Variants in ANK3 observed in about 807,000 individuals in gnomAD.
ANK3 encodes the protein ankyrin 3, also known as ankyrin-3.
Under a neutral mutation model 370.9 loss-of-function variants are expected in ANK3, and 57 were observed. That is an observed-to-expected ratio of 0.15 (90% CI 0.12 to 0.19). ANK3 has a LOEUF of 0.19. ANK3 is among the 10% of genes least tolerant of loss of function. The pLI, the probability that ANK3 is intolerant of heterozygous loss-of-function variation, is 1.00. For missense variants in ANK3, 4,439 were observed against 5,302.1 expected (o/e 0.84, Z 5.06); for synonymous variants, 1,929 against 1,946.3 (o/e 0.99, Z 0.23).
At chr10:60,374,953 A>G (rs181243401) in intron 1 of ANK3, among the ~76,000 whole-genome samples, 3 of 152,300 alleles carry the variant, frequency 2.0e-5, no homozygotes, top group Non-Finnish European at 2.9e-5. Flanking sequence ...AGGTACTATT[A>G]TTATCTCATC....
At chr10:60,247,779 T>C (rs2097579743) in intron 7 of ANK3, among the ~76,000 whole-genome samples, 2 of 152,316 alleles carry the variant, frequency 1.3e-5, no homozygotes, top group South Asian at 4.1e-4. Flanking sequence ...GTGATTCTCC[T>C]GCCTCTTACT....
In ANK3 at chr10:60,479,185, G is replaced by A. The variant is rs573126954; in HGVS notation, c.96+136001C>T. ...ATGATTTTTTTCCTTAATAAAAAGC[G>A]TACTGTCATGCACCACATAACGTTT... On this transcript the variant is annotated intron_variant, in intron 2 of 43. Transcript: ENST00000373827. 4.8e-4 allele frequency among the ~76,000 whole-genome samples: 73 copies of A among 152,056 alleles called. No individual in the cohort carries two copies. In the South Asian group the frequency reaches 0.011, roughly 23 times the overall value.
At chr10:60,207,945 T>A in intron 10 of ANK3, 91 bp downstream of exon 10, 1 of 1,149,524 alleles carries the variant, frequency 8.7e-7, no homozygotes, top group Non-Finnish European at 1.3e-6. Context: ...CACCTTCTAT[T>A]TTAACCTCCT....
chr10:60,538,868 T>C (rs2076783483), intron 2 of ANK3, among the ~76,000 whole-genome samples: 1 of 152,062 alleles, frequency 6.6e-6, no homozygotes, highest in East Asian at 1.9e-4. Flanking sequence ...CTCTATGCCA[T>C]AGTTATTGAA....
At position 60,388,818 on chromosome 10, in the gene ANK3, T is replaced by C. The variant is rs1594912873; in HGVS notation, c.114+607A>G. Among the ~76,000 whole-genome samples, 3 of 152,180 alleles carry C rather than the reference T, an allele frequency of 2.0e-5. No individual in the cohort carries two copies. In the South Asian group the frequency reaches 6.2e-4, roughly 32 times the overall value. On this transcript the variant is annotated intron_variant, in intron 1 of 43. Transcript: ENST00000280772. Reference sequence around the variant, plus strand: ...ACAAACCTCTGTGATTTCAGCTTTATTTAACAAAAGAAAGTTATTTCTAGC... The same window carrying C: ...ACAAACCTCTGTGATTTCAGCTTTACTTAACAAAAGAAAGTTATTTCTAGC...
At chr10:60,305,193 C>G (rs1375203992) in intron 1 of ANK3, among the ~76,000 whole-genome samples, 1 of 152,128 alleles carries the variant, frequency 6.6e-6, no homozygotes, top group Non-Finnish European at 1.5e-5. Context: ...AGCTAACTTC[C>G]CTGAAGCTGC....
chr10:60,627,982 C>A (rs929768286), intron 1 of ANK3, among the ~76,000 whole-genome samples: 1 of 152,148 alleles, frequency 6.6e-6, no homozygotes. Context: ...CTCCAAAGTT[C>A]ATGCTTTCAA....
intron 1 of ANK3, among the ~76,000 whole-genome samples, chr10:60,616,160 TG>T (rs1428628803): frequency 6.6e-6 from 1 of 152,178 alleles, no homozygotes; most frequent in Non-Finnish European, 1.5e-5. Flanking sequence ...TGCAATTTCA[TG>T]TTTCTATTTG....
intron 14 of ANK3, among the ~76,000 whole-genome samples, chr10:60,197,319 C>A (rs2096602359): frequency 6.6e-6 from 1 of 152,160 alleles, no homozygotes; most frequent in African/African-American, 2.4e-5. Flanking sequence ...GTGGCTGGCT[C>A]CCTCAGACTT....
intron 36 of ANK3, 138 bp downstream of exon 36, chr10:60,080,399 G>T: frequency 1.4e-6 from 1 of 710,596 alleles, no homozygotes; most frequent in Non-Finnish European, 2.4e-6. Context: ...ATATTACTTA[G>T]GTTGTATGAC....
intron 1 of ANK3, among the ~76,000 whole-genome samples, chr10:60,658,514 T>C (rs2078895736): frequency 5.3e-5 from 8 of 152,078 alleles, no homozygotes; most frequent in Admixed American, 5.2e-4. Context: ...GTCATTTATG[T>C]TATATTTATA....
intron 2 of ANK3, among the ~76,000 whole-genome samples, chr10:60,520,429 T>C (rs776438744): frequency 6.6e-5 from 10 of 152,064 alleles, no homozygotes; most frequent in Non-Finnish European, 8.8e-5. Flanking sequence ...AAAATAAAAG[T>C]TGAATTTAAA....
intron 43 of ANK3, among the ~76,000 whole-genome samples, chr10:60,033,087 G>C (rs913709322): frequency 6.6e-6 from 1 of 152,190 alleles, no homozygotes; most frequent in Non-Finnish European, 1.5e-5. Context: ...TTGCACTTAG[G>C]AATCTGTCTT....
chr10:60,314,468 T>C (rs949950787), intron 1 of ANK3, among the ~76,000 whole-genome samples: 1 of 152,164 alleles, frequency 6.6e-6, no homozygotes, highest in African/African-American at 2.4e-5. Context: ...AATTATGTTA[T>C]GTAAATAGAG....
intron 2 of ANK3, among the ~76,000 whole-genome samples, chr10:60,500,783 T>C (rs2075776153): frequency 6.6e-6 from 1 of 152,164 alleles, no homozygotes; most frequent in Non-Finnish European, 1.5e-5. Flanking sequence ...AATGCCAAAG[T>C]GTAAGAACCA....
intron 2 of ANK3, among the ~76,000 whole-genome samples, chr10:60,514,814 T>A (rs2076176791): frequency 6.6e-6 from 1 of 152,094 alleles, no homozygotes; most frequent in Non-Finnish European, 1.5e-5. Flanking sequence ...TGCTTCTATG[T>A]CAACTTATCT....
chr10:60,534,058 C>T (rs2076667369), intron 2 of ANK3, among the ~76,000 whole-genome samples: 1 of 152,066 alleles, frequency 6.6e-6, no homozygotes, highest in Non-Finnish European at 1.5e-5. Flanking sequence ...TCTCAGAAGG[C>T]CCATATTAGA....
At chr10:60,412,225 C>T (rs10821753) in intron 2 of ANK3, among the ~76,000 whole-genome samples, 87,364 of 151,798 alleles carry the variant, frequency 0.58, 25,502 homozygotes, top group South Asian at 0.64. Flanking sequence ...AGGGTGCTTC[C>T]GGATATGATT....
intron 2 of ANK3, among the ~76,000 whole-genome samples, chr10:60,497,564 TA>T (rs1337370983): frequency 6.6e-6 from 1 of 152,204 alleles, no homozygotes; most frequent in African/African-American, 2.4e-5. Flanking sequence ...ATTGATTTAT[TA>T]AGCTTTTGTT....
Sources: allele counts gnomAD v4.1 joint callset (sites outside exome capture counted in the v4.1 genomes callset), GRCh38; gene constraint gnomAD v4.1.1; transcripts MANE v1.5; gene names NCBI Gene and HGNC (gene_info 2026-07-23, HGNC 2026-07-21).